Variants in IQSEC3 observed in about 807,000 individuals in gnomAD.
The protein encoded by IQSEC3 is IQ motif and Sec7 domain ArfGEF 3.
IQSEC3 carries 50 observed loss-of-function variants against 105.4 expected under a neutral mutation model. The observed-to-expected ratio is 0.47, with a 90% CI of 0.38 to 0.60. IQSEC3 has a LOEUF of 0.60. Among genes scored for constraint, IQSEC3 ranks in the 20% least tolerant of loss-of-function variants. The pLI is 0.00. For synonymous variants in IQSEC3, 708 were observed against 746.0 expected, an observed-to-expected ratio of 0.95 and a Z score of 0.83; for missense variants, 1,415 against 1,630.0, an observed-to-expected ratio of 0.87 and a Z score of 2.27.
At chr12:168,966 G>T in intron 11 of IQSEC3, 47 bp from the exon 12 acceptor site, 1 of 1,512,012 alleles carries the variant, frequency 6.6e-7, no homozygotes, top group Non-Finnish European at 9.2e-7. Flanking sequence ...GCCTCTGTGT[G>T]GTTGAGGTTA....
intron 8 of IQSEC3, among the ~76,000 whole-genome samples, chr12:162,685 A>T (rs1866949631): frequency 6.6e-6 from 1 of 152,296 alleles, no homozygotes; most frequent in South Asian, 2.1e-4. Flanking sequence ...CAGTCTGTGC[A>T]GGGACAGGCT....
At position 138,161 on chromosome 12, in the gene IQSEC3, T is replaced by A; in HGVS notation, c.904-106T>A. On this transcript the variant is annotated intron_variant, in intron 3 of 13. Transcript: ENST00000538872. The surrounding 1 kb of genome is among the most constrained non-coding windows in gnomAD (Gnocchi z 7.1). ...AGGAGCGCCCCCCCGCCCCCGTCCA[T>A]TCCTGGGCCCCACCCGAGTGTGGCC... The A allele has an allele frequency of 2.7e-5, 26 of 969,172 alleles. No individual in the cohort carries two copies. Among genetic ancestry groups the A allele is most frequent in the Non-Finnish European group, 3.4e-5 (22 of 654,540 alleles). 60.0% of individuals were successfully genotyped at this position (969,172 alleles called of 1,614,324 possible).
chr12:93,359 G>C (rs1407279256), intron 1 of IQSEC3, among the ~76,000 whole-genome samples: 1 of 152,218 alleles, frequency 6.6e-6, no homozygotes, highest in Non-Finnish European at 1.5e-5. Flanking sequence ...GACAGATTCT[G>C]ATGGGACATC....
intron 2 of IQSEC3, among the ~76,000 whole-genome samples, chr12:122,771 G>A (rs552123987): frequency 1.4e-4 from 22 of 152,292 alleles, no homozygotes; most frequent in African/African-American, 3.1e-4. Context: ...ATCAAGGGAC[G>A]TCGGCACCCA....
intron 7 of IQSEC3, among the ~76,000 whole-genome samples, chr12:159,833 G>A (rs550473921): frequency 1.2e-4 from 18 of 152,160 alleles, no homozygotes; most frequent in African/African-American, 3.4e-4. Context: ...AATTTCTCTG[G>A]ACTCTCTTTC....
At chr12:164,451 G>A (rs1026668370) in intron 9 of IQSEC3, among the ~76,000 whole-genome samples, 2 of 151,926 alleles carry the variant, frequency 1.3e-5, no homozygotes, top group African/African-American at 2.4e-5. Context: ...CCTGGGAGGC[G>A]CCTCCCTCCT....
intron 1 of IQSEC3, among the ~76,000 whole-genome samples, chr12:68,454 A>C (rs1346934855): frequency 1.8e-4 from 27 of 152,116 alleles, no homozygotes; most frequent in African/African-American, 6.5e-4. Flanking sequence ...TAGAACTTCA[A>C]GCTCTTTCTT....
At chr12:129,064 A>G (rs1418054508) in intron 3 of IQSEC3, among the ~76,000 whole-genome samples, 6 of 152,140 alleles carry the variant, frequency 3.9e-5, no homozygotes, top group Admixed American at 6.5e-5. Context: ...TGCATCTGGA[A>G]GACTTCTGCT....
chr12:149,955 T>C (rs1479962812), intron 5 of IQSEC3, among the ~76,000 whole-genome samples: 1 of 151,970 alleles, frequency 6.6e-6, no homozygotes, highest in Non-Finnish European at 1.5e-5. Context: ...CTGGGAGAAA[T>C]GTGAGCAGGG....
At chr12:94,241 G>T (rs1864178969) in intron 1 of IQSEC3, among the ~76,000 whole-genome samples, 1 of 152,184 alleles carries the variant, frequency 6.6e-6, no homozygotes, top group Non-Finnish European at 1.5e-5. Context: ...ATGCCCGCTT[G>T]CCAAAAACCC....
chr12:134,544 G>C (rs1425904675), intron 3 of IQSEC3, among the ~76,000 whole-genome samples: 1 of 152,248 alleles, frequency 6.6e-6, no homozygotes, highest in Non-Finnish European at 1.5e-5. Flanking sequence ...TGCTGCAAAA[G>C]GATGCTCTTG....
intron 3 of IQSEC3, among the ~76,000 whole-genome samples, chr12:126,198 C>T (rs1865400578): frequency 6.6e-6 from 1 of 152,268 alleles, no homozygotes; most frequent in South Asian, 2.1e-4. Context: ...CACCGCCCCA[C>T]TGACCACTAG....
chr12:90,875 A>G (rs1864062068), intron 1 of IQSEC3, among the ~76,000 whole-genome samples: 1 of 152,188 alleles, frequency 6.6e-6, no homozygotes, highest in African/African-American at 2.4e-5. Flanking sequence ...TTAAGTTTAA[A>G]TAGAAAAGGC....
rs141663701 is a variant in IQSEC3, at chr12:79,470, A to G, written c.554+12034A>G. Among the ~76,000 whole-genome samples, 771 of 152,202 alleles carry G rather than the reference A, an allele frequency of 5.1e-3. 11 individuals are homozygous for G. The highest frequency in any genetic ancestry group is 0.036 in the East Asian group (188 of 5,176). ...TTCTTTAAGAGATGGTGACTCTGTC[A>G]CCCAGGCTGGAGTACAGTGGCACAA... On this transcript the variant is annotated intron_variant, in intron 1 of 13. Coordinates refer to ENST00000538872, the MANE Select transcript of IQSEC3 (RefSeq NM_001170738.2).
rs12297428 is a variant in IQSEC3, at chr12:152,673, G to A, written c.2154-4352G>A. The stretch of plus-strand genomic sequence containing the variant: ...CAGAGAGCTCAGAGGGAACTCCCCC[G>A]ACTTGAGTAAGGGACCTCCCTGCCA... On this transcript the variant is annotated intron_variant, in intron 5 of 13. Transcript: ENST00000538872. The surrounding 1 kb of genome is among the most constrained non-coding windows in gnomAD (Gnocchi z 4.8). Among the ~76,000 whole-genome samples the A allele has an allele frequency of 6.9e-3, 1,045 of 152,248 alleles. 12 individuals are homozygous for A. The highest frequency in any genetic ancestry group is 0.023 in the African/African-American group (976 of 41,556).
intron 5 of IQSEC3, 185 bp downstream of exon 5, chr12:141,470 G>T (rs79718529): frequency 8.4e-6 from 5 of 596,090 alleles, no homozygotes; most frequent in Non-Finnish European, 1.4e-5. Flanking sequence ...CCTGTCTCCC[G>T]TCAGAGTCAT....
chr12:107,571 G>A (rs557569138), intron 2 of IQSEC3, among the ~76,000 whole-genome samples: 239 of 151,836 alleles, frequency 1.6e-3, no homozygotes, highest in Middle Eastern at 6.8e-3. Context: ...CACCGTGCCC[G>A]GCTAATTTTT....
intron 12 of IQSEC3, 60 bp downstream of exon 12, chr12:169,165 T>C: frequency 7.1e-7 from 1 of 1,414,142 alleles, no homozygotes; most frequent in Non-Finnish European, 1.0e-6. Flanking sequence ...GGACCCTGGG[T>C]GTGGGTCCTG....
Position 168,854 on chromosome 12 carries a change from T to C in IQSEC3, c.2972-159T>C, listed in dbSNP as rs1938814384. On this transcript the variant is annotated intron_variant, in intron 11 of 13. Coordinates refer to ENST00000538872, the MANE Select transcript of IQSEC3 (RefSeq NM_001170738.2). The stretch of plus-strand genomic sequence containing the variant: ...GGCTCCGAGGGGGTATTTAACTTGC[T>C]ATTCAGTGGTGGGGCCAGACCCGAG... 1.2e-5 allele frequency: 8 copies of C among 657,468 alleles called. No individual in the cohort carries two copies. In the East Asian group the frequency reaches 2.1e-4, roughly 17 times the overall value. The allele number at this position is 657,468 out of a possible 1,614,324, so 40.7% of individuals were successfully genotyped here.
Sources: allele counts gnomAD v4.1 joint callset (sites outside exome capture counted in the v4.1 genomes callset), GRCh38; gene constraint gnomAD v4.1.1; non-coding constraint Gnocchi (gnomAD v3.1); transcripts MANE v1.5; gene names NCBI Gene and HGNC (gene_info 2026-07-23, HGNC 2026-07-21).